The following UPF2 variants were observed in gnomAD, a reference collection of about 807,000 sequenced individuals.
The protein encoded by UPF2 is regulator of nonsense transcripts 2.
UPF2 carries 17 observed loss-of-function variants against 141.4 expected under a neutral mutation model. The observed-to-expected ratio is 0.12, with a 90% CI of 0.08 to 0.18. UPF2 has a LOEUF of 0.18. UPF2 is among the 10% of genes least tolerant of loss of function. UPF2 has a pLI of 1.00. For synonymous variants in UPF2, 540 were observed against 498.0 expected, an observed-to-expected ratio of 1.08 and a Z score of -1.12; for missense variants, 1,152 against 1,515.9, an observed-to-expected ratio of 0.76 and a Z score of 3.99.
At chr10:11,976,963 G>A (rs1057087982) in intron 9 of UPF2, among the ~76,000 whole-genome samples, 3 of 152,180 alleles carry the variant, frequency 2.0e-5, no homozygotes, top group Non-Finnish European at 4.4e-5. Context: ...GAACAGTTGC[G>A]TAAGTTGGCC....
chr10:12,028,636 T>C lies in UPF2; in HGVS notation c.1145+109A>G, dbSNP rs1834461603. 18 of 1,134,416 alleles carry C rather than the reference T, an allele frequency of 1.6e-5. 1 individual carries two copies. The highest frequency in any genetic ancestry group is 3.4e-5 in the South Asian group (2 of 58,526). The allele number at this position is 1,134,416 out of a possible 1,614,324, so 70.3% of individuals were successfully genotyped here. The stretch of plus-strand genomic sequence containing the variant: ...TTTCCTGGAATGTTAAGAAATCACC[T>C]GTAAGGAGCCCTTTTCCATAAGTTC... On this transcript the variant is annotated intron_variant, in intron 3 of 21. Transcript: ENST00000357604.
chr10:11,945,959 T>G (rs1832995260), intron 16 of UPF2, among the ~76,000 whole-genome samples: 1 of 152,104 alleles, frequency 6.6e-6, no homozygotes, highest in African/African-American at 2.4e-5. Flanking sequence ...ACAACCTCAT[T>G]TTGAAAACAA....
intron 12 of UPF2, among the ~76,000 whole-genome samples, chr10:11,957,010 G>A (rs772176605): frequency 4.6e-5 from 7 of 152,140 alleles, no homozygotes; most frequent in African/African-American, 9.7e-5. Context: ...TTGTAGAGGC[G>A]AGATCTTCCT....
At position 11,921,262 on chromosome 10, in the gene UPF2, G is replaced by T. The variant is rs750613238; in HGVS notation, c.*36C>A. On this transcript the variant is annotated 3_prime_UTR_variant, in exon 22 of 22. Transcript: ENST00000357604. The surrounding 1 kb of genome is among the most constrained non-coding windows in gnomAD (Gnocchi z 5.9). Reference sequence around the variant, plus strand: ...GAGGACTCCACTAACCACAACATCAGATACAGGACCTAATGAAATGACACG... The same window carrying T: ...GAGGACTCCACTAACCACAACATCATATACAGGACCTAATGAAATGACACG... 1.2e-6 allele frequency: 2 copies of T among 1,613,908 alleles called. No homozygotes were observed. Among genetic ancestry groups the T allele is most frequent in the African/African-American group, 2.7e-5 (2 of 74,892 alleles).
chr10:12,028,960 A>G lies in UPF2; in HGVS notation c.930T>C (p.Ser310=), dbSNP rs1834467756. ...TATCATCTCCACAATGTCGACAGAA[A>G]CTAATCACTACAGAGACATGAGTGT... is the stretch of plus-strand genomic sequence containing the variant. ...ESHTHVSVVI[S]FCRHCGDDIA... Residue 310 remains serine, a synonymous_variant, in exon 3 of 22, where the codon AGT becomes AGC. Coordinates refer to ENST00000357604, the MANE Select transcript of UPF2 (RefSeq NM_015542.4). The G allele has an allele frequency of 5.0e-6, 8 of 1,614,076 alleles. No homozygotes were observed. The highest frequency in any genetic ancestry group is 2.7e-5 in the African/African-American group (2 of 74,936).
At chr10:11,981,698 T>C (rs11257463) in intron 8 of UPF2, among the ~76,000 whole-genome samples, 34,243 of 151,204 alleles carry the variant, frequency 0.23, 4,259 homozygotes, top group East Asian at 0.46. Flanking sequence ...TTTTTTTTTC[T>C]GAGACGGAGT....
Position 12,042,498 on chromosome 10 carries a change from G to A in UPF2, c.-19+257C>T, listed in dbSNP as rs1834754133. On this transcript the variant is annotated intron_variant, in intron 1 of 21. Transcript: ENST00000357604. This position sits in a 1 kb window ranked among gnomAD's most constrained non-coding sequence, Gnocchi z 5.5. Reference sequence around the variant, plus strand: ...TCTCGAGGCCCGGCCCAGGCATGTGGGGCAGGCACCTCCTCCACCGCCCCC... The same window carrying A: ...TCTCGAGGCCCGGCCCAGGCATGTGAGGCAGGCACCTCCTCCACCGCCCCC... Among the ~76,000 whole-genome samples the A allele has an allele frequency of 6.6e-6, 1 of 152,116 alleles. No homozygotes were observed. Among genetic ancestry groups the A allele is most frequent in the Admixed American group, 6.5e-5 (1 of 15,274 alleles).
chr10:11,920,305 A>G lies in UPF2; in HGVS notation c.*993T>C, dbSNP rs1049229242. On this transcript the variant is annotated 3_prime_UTR_variant, in exon 22 of 22. Transcript: ENST00000357604. ...CTAAGAAATTAACAGATTGTCAGAA[A>G]CAGACTAAGGACCCTCATTTCTATT... 10 of 152,084 alleles carry G rather than the reference A, an allele frequency of 6.6e-5. No individual in the cohort carries two copies. Among genetic ancestry groups the G allele is most frequent in the African/African-American group, 2.4e-4 (10 of 41,410 alleles). 9.4% of individuals were successfully genotyped at this position (152,084 alleles called of 1,614,324 possible).
intron 8 of UPF2, among the ~76,000 whole-genome samples, chr10:11,993,149 C>CAAAAAAAA (rs561323595): frequency 1.2e-5 from 1 of 80,546 alleles, no homozygotes; most frequent in African/African-American, 7.4e-5. Context: ...GGCTCCACCT[C>CAAAAAAAA]AAAAAAAAAA....
At chr10:12,013,595 C>A (rs1164573492) in intron 4 of UPF2, among the ~76,000 whole-genome samples, 15 of 151,922 alleles carry the variant, frequency 9.9e-5, no homozygotes, top group Admixed American at 9.9e-4. Context: ...TCTAAGTAAA[C>A]AGAATTGCCA....
Position 11,995,786 on chromosome 10 carries a change from A to C in UPF2, c.1844+1886T>G, listed in dbSNP as rs1339113874. Among the ~76,000 whole-genome samples the C allele has an allele frequency of 2.6e-5, 4 of 152,248 alleles. No individual in the cohort carries two copies. The East Asian group carries it at 7.7e-4, about 29-fold the overall frequency. ...CGACAAGTGAGACTCTGTATCAAAA[A>C]AAAAGAGGTTTTACCAAGAGTTTGA... On this transcript the variant is annotated intron_variant, in intron 8 of 21. Coordinates refer to ENST00000357604, the MANE Select transcript of UPF2 (RefSeq NM_015542.4).
Position 12,016,760 on chromosome 10 carries a change from C to T in UPF2, c.1146-2576G>A, listed in dbSNP as rs1834228139. Among the ~76,000 whole-genome samples, 2 of 151,634 alleles carry T rather than the reference C, an allele frequency of 1.3e-5. No individual in the cohort carries two copies. Among genetic ancestry groups the T allele is most frequent in the South Asian group, 2.1e-4 (1 of 4,800 alleles). Reference sequence around the variant, plus strand: ...ATGTAGGGCCGGGCACGGTGGTTCACGCCTATAATCCCAGCACTTTGGGAG... The same window carrying T: ...ATGTAGGGCCGGGCACGGTGGTTCATGCCTATAATCCCAGCACTTTGGGAG... On this transcript the variant is annotated intron_variant, in intron 3 of 21. Transcript: ENST00000357604. The surrounding 1 kb of genome is among the most constrained non-coding windows in gnomAD (Gnocchi z 4.1).
At chr10:12,032,557 G>T (rs992799772) in intron 2 of UPF2, among the ~76,000 whole-genome samples, 1 of 151,818 alleles carries the variant, frequency 6.6e-6, no homozygotes, top group Non-Finnish European at 1.5e-5. Context: ...GGGCAACACA[G>T]CAAAACCCCG....
intron 8 of UPF2, among the ~76,000 whole-genome samples, chr10:11,996,016 G>A (rs1032391941): frequency 6.6e-6 from 1 of 152,034 alleles, no homozygotes; most frequent in Non-Finnish European, 1.5e-5. Context: ...TTCAAAGCAT[G>A]CTGCGCTTCT....
chr10:11,942,572 C>T, intron 18 of UPF2, 93 bp downstream of exon 18: 1 of 1,129,984 alleles, frequency 8.8e-7, no homozygotes, highest in South Asian at 1.4e-5. Flanking sequence ...AGAAGAGACA[C>T]TTAGATAGGA....
At chr10:12,032,226 G>A (rs144280539) in intron 2 of UPF2, among the ~76,000 whole-genome samples, 7,928 of 151,966 alleles carry the variant, frequency 0.052, 284 homozygotes, top group Non-Finnish European at 0.08. Flanking sequence ...CCTGGGAGGT[G>A]GAGGTTACGG....
intron 3 of UPF2, among the ~76,000 whole-genome samples, chr10:12,017,712 G>GT (rs1457944903): frequency 2.0e-5 from 3 of 152,082 alleles, no homozygotes; most frequent in Non-Finnish European, 2.9e-5. Context: ...TTGTTTGTTC[G>GT]TTTTATAGCT....
chr10:12,028,158 C>A (rs1337747656), intron 3 of UPF2, among the ~76,000 whole-genome samples: 1 of 152,158 alleles, frequency 6.6e-6, no homozygotes, highest in African/African-American at 2.4e-5. Flanking sequence ...TTACCACAGG[C>A]ACAGTACATT....
At chr10:11,978,750 C>G (rs966396466) in intron 9 of UPF2, among the ~76,000 whole-genome samples, 9 of 152,152 alleles carry the variant, frequency 5.9e-5, no homozygotes, top group Non-Finnish European at 1.2e-4. Context: ...CTTTTGGAAA[C>G]ACCAGTGAAG....
Sources: gnomAD v4.1 joint callset for allele counts (sites outside exome capture counted in the v4.1 genomes callset) on GRCh38, gnomAD v4.1.1 for gene constraint, Gnocchi (gnomAD v3.1) non-coding constraint, MANE v1.5 for transcripts, NCBI Gene and HGNC (gene_info 2026-07-23, HGNC 2026-07-21) for gene names.